Variants in SCUBE2 observed in about 807,000 individuals in gnomAD.
SCUBE2 encodes signal peptide, CUB domain and EGF like domain containing 2, also known as signal peptide, CUB and EGF-like domain-containing protein 2.
Under a neutral mutation model 125.9 loss-of-function variants are expected in SCUBE2, and 114 were observed. The observed-to-expected ratio is 0.91, with a 90% CI of 0.78 to 1.06. SCUBE2 has a LOEUF of 1.06. SCUBE2 is among the 50% of genes least tolerant of loss of function. The probability of loss-of-function intolerance (pLI) is 0.00; values close to 1 mark genes in which losing one functional copy is unlikely to be tolerated. For synonymous variants in SCUBE2, 459 were observed against 492.9 expected, an observed-to-expected ratio of 0.93 and a Z score of 0.91; for missense variants, 1,255 against 1,301.8, an observed-to-expected ratio of 0.96 and a Z score of 0.55.
chr11:9,067,447 C>T (rs902836597), intron 5 of SCUBE2, among the ~76,000 whole-genome samples: 7 of 152,186 alleles, frequency 4.6e-5, no homozygotes, highest in Non-Finnish European at 7.4e-5. Flanking sequence ...GCAAGGGAAA[C>T]GGGAGGCGGG....
intron 3 of SCUBE2, among the ~76,000 whole-genome samples, chr11:9,076,662 A>G (rs1861237906): frequency 6.6e-6 from 1 of 152,164 alleles, no homozygotes; most frequent in Non-Finnish European, 1.5e-5. Flanking sequence ...TGTGCTAATC[A>G]CTAGCTCCTG....
intron 16 of SCUBE2, among the ~76,000 whole-genome samples, chr11:9,045,610 GACACACACACACACACACACACACACAC>G (rs72142315): frequency 6.1e-5 from 6 of 99,150 alleles, no homozygotes; most frequent in African/African-American, 1.8e-4. Flanking sequence ...CAGACAGACA[GACACACACACACACACACACACACACAC>G]ACACACACAC....
chr11:9,062,839 C>T (rs1196505827), intron 7 of SCUBE2, among the ~76,000 whole-genome samples: 3 of 144,780 alleles, frequency 2.1e-5, no homozygotes, highest in Admixed American at 6.9e-5. Context: ...AATAAAAATA[C>T]AAGGGAGAGA....
intron 1 of SCUBE2, chr11:9,090,492 T>TATTA (rs55777434): frequency 6.9e-6 from 1 of 145,428 alleles, no homozygotes; most frequent in Non-Finnish European, 1.5e-5. Context: ...TTTATTTATT[T>TATTA]TTTTTTTTTG....
intron 16 of SCUBE2, among the ~76,000 whole-genome samples, chr11:9,037,077 C>T (rs1856801500): frequency 6.6e-6 from 1 of 152,190 alleles, no homozygotes; most frequent in Admixed American, 6.5e-5. Flanking sequence ...GAGCTAAACA[C>T]TAAAAGGCAA....
At position 9,047,506 on chromosome 11, in the gene SCUBE2, T is replaced by C. The variant is rs1327946395; in HGVS notation, c.1852A>G (p.Ile618Val). 1 of 1,613,654 alleles carries C rather than the reference T, an allele frequency of 6.2e-7. No individual in the cohort carries two copies. The highest frequency in any genetic ancestry group is 8.5e-7 in the Non-Finnish European group (1 of 1,179,950). ...KRTEKRLRKA[I>V]RTLRKAVHRE... ...TGGACGGCCTTTCTGAGCGTGCGGATGGCTTTACGGAGCCGCTTCTCGGTT... is the reference window on the plus strand; with the variant it reads ...TGGACGGCCTTTCTGAGCGTGCGGACGGCTTTACGGAGCCGCTTCTCGGTT... Residue 618 changes from isoleucine to valine, a missense_variant, in exon 16 of 23, where the codon ATC (isoleucine) becomes GTC (valine). By Grantham distance (29) the Ile-to-Val change is conservative. Around this residue, in one of 3 missense-constraint regions of SCUBE2, gnomAD observed 515 missense variants for 515.7 expected, o/e 1.00. Transcript: ENST00000649792.
At chr11:9,047,649 A>AC (rs1857933934) in intron 15 of SCUBE2, 87 bp from the exon 16 acceptor site, 1 of 1,326,332 alleles carries the variant, frequency 7.5e-7, no homozygotes, top group Non-Finnish European at 1.1e-6. Context: ...CCCTACCAAC[A>AC]CCCCGAGCTC....
intron 3 of SCUBE2, among the ~76,000 whole-genome samples, chr11:9,078,598 G>A (rs937642699): frequency 9.2e-5 from 14 of 152,310 alleles, no homozygotes; most frequent in African/African-American, 3.1e-4. Context: ...GCCTGGCTCC[G>A]CTGCTCCTTA....
chr11:9,082,349 A>G (rs992368524), intron 2 of SCUBE2, among the ~76,000 whole-genome samples: 1 of 152,038 alleles, frequency 6.6e-6, no homozygotes, highest in African/African-American at 2.4e-5. Flanking sequence ...AGGAAGTCCA[A>G]TTTGTCTATT....
At chr11:9,069,316 C>A in intron 5 of SCUBE2, 54 bp downstream of exon 5, 4 of 1,603,370 alleles carry the variant, frequency 2.5e-6, no homozygotes, top group South Asian at 1.1e-5. Flanking sequence ...CCACAGAAGG[C>A]AGCCTGTGGA....
chr11:9,066,015 T>C (rs779735410), intron 6 of SCUBE2, 35 bp from the exon 7 acceptor site: 1 of 1,473,950 alleles, frequency 6.8e-7, no homozygotes, highest in African/African-American at 1.4e-5. Context: ...GTTCTCAGAC[T>C]GAATGAGTTA....
Position 9,035,179 on chromosome 11 carries a change from G to C in SCUBE2, c.2003-1383C>G, listed in dbSNP as rs559709001. Reference sequence around the variant, plus strand: ...CTATTCAAACATCATCAGAGTCATCGCATTTCTAATGACTAACATTTGTTG... The same window carrying C: ...CTATTCAAACATCATCAGAGTCATCCCATTTCTAATGACTAACATTTGTTG... On this transcript the variant is annotated intron_variant, in intron 16 of 22. Transcript: ENST00000649792. 2.0e-5 allele frequency among the ~76,000 whole-genome samples: 3 copies of C among 152,258 alleles called. No homozygotes were observed. In the South Asian group the frequency reaches 6.2e-4, roughly 32 times the overall value.
chr11:9,025,775 C>T lies in SCUBE2; in HGVS notation c.2781G>A (p.Lys927=). 1 of 1,614,152 alleles carries T rather than the reference C, an allele frequency of 6.2e-7. No individual in the cohort carries two copies. Among genetic ancestry groups the T allele is most frequent in the Non-Finnish European group, 8.5e-7 (1 of 1,180,018 alleles). ...RPIAFTSRSK[K]LWIQFKSNEG... ...CATTGGACTTGAACTGAATCCACAG[C>T]TTCTTTGACCTGGAGGTGAAGGCGA... Residue 927 remains lysine, a synonymous_variant, in exon 21 of 23, where the codon AAG becomes AAA. Coordinates refer to ENST00000649792, the MANE Select transcript of SCUBE2 (RefSeq NM_001367977.2).
chr11:9,021,305 A>AAAAC, intron 22 of SCUBE2, 108 bp from the exon 23 acceptor site: 1 of 861,958 alleles, frequency 1.2e-6, no homozygotes, highest in East Asian at 3.0e-5. Context: ...GCTTAGCTGA[A>AAAAC]AAACACTTGC....
intron 4 of SCUBE2, among the ~76,000 whole-genome samples, chr11:9,074,087 T>TC (rs1292220188): frequency 6.6e-6 from 1 of 152,146 alleles, no homozygotes; most frequent in Non-Finnish European, 1.5e-5. Context: ...GGATCCAGCC[T>TC]CCTCCCTACC....
In SCUBE2 at chr11:9,053,212, A is replaced by C. The variant is rs767834987; in HGVS notation, c.1334T>G (p.Val445Gly). The change falls in exon 12 of 23, where the codon GTG becomes GGG. Residue 445 changes from valine to glycine, a missense_variant. By Grantham distance (109) the Val-to-Gly change is moderately radical (BLOSUM62 -3). Coordinates refer to ENST00000649792, the MANE Select transcript of SCUBE2 (RefSeq NM_001367977.2). The stretch of plus-strand genomic sequence containing the variant: ...CACACTTGTGGGCAGGAGCCCCTTC[A>C]CTTCTAGACAGGACAAAACAGACAC... ...LHWNKKDCVE[V>G]KGLLPTSVSP... 6 of 1,612,768 alleles carry C rather than the reference A, an allele frequency of 3.7e-6. No homozygotes were observed. The highest frequency in any genetic ancestry group is 5.1e-6 in the Non-Finnish European group (6 of 1,178,716).
At chr11:9,084,070 C>T (rs1470463475) in intron 2 of SCUBE2, among the ~76,000 whole-genome samples, 4 of 152,120 alleles carry the variant, frequency 2.6e-5, no homozygotes, top group African/African-American at 7.2e-5. Context: ...TAAAAGGAAT[C>T]AGAGCTCCTT....
At position 9,060,422 on chromosome 11, in the gene SCUBE2, C is replaced by T. The variant is rs745931406; in HGVS notation, c.953G>A (p.Gly318Glu). Residue 318 changes from glycine to glutamate, a missense_variant, in exon 8 of 23, where the codon GGG becomes GAG. Coordinates refer to ENST00000649792, the MANE Select transcript of SCUBE2 (RefSeq NM_001367977.2). ...GTGAAGGCTACCTTTACATGTCTTC[C>T]CATCCAACTGGAGAGTGAATCCAAC... ...CPVGFTLQLD[G>E]KTCKDIDECQ... 2 of 1,613,802 alleles carry T rather than the reference C, an allele frequency of 1.2e-6. No homozygotes were observed. Among genetic ancestry groups the T allele is most frequent in the Non-Finnish European group, 1.7e-6 (2 of 1,179,690 alleles).
intron 16 of SCUBE2, among the ~76,000 whole-genome samples, chr11:9,045,621 AC>A: frequency 6.8e-6 from 1 of 147,032 alleles, no homozygotes; most frequent in South Asian, 2.2e-4. Context: ...ACACACACAC[AC>A]ACACACACAC....
Sources: allele counts gnomAD v4.1 joint callset (sites outside exome capture counted in the v4.1 genomes callset), GRCh38; gene constraint gnomAD v4.1.1; regional missense constraint gnomAD v4.1.1; transcripts MANE v1.5; gene names NCBI Gene and HGNC (gene_info 2026-07-23, HGNC 2026-07-21).